HPSE: variants seen among roughly 807,000 people sequenced by gnomAD.
HPSE encodes the protein heparanase, also known as endo-glucoronidase.
Under a neutral mutation model 65.1 loss-of-function variants are expected in HPSE, and 48 were observed. That is an observed-to-expected ratio of 0.74 (90% CI 0.58 to 0.94). The LOEUF is 0.94. Among genes scored for constraint, HPSE ranks in the 40% least tolerant of loss-of-function variants. HPSE has a pLI of 0.00. For synonymous variants in HPSE, 243 were observed against 260.0 expected, an observed-to-expected ratio of 0.93 and a Z score of 0.63; for missense variants, 644 against 637.5, an observed-to-expected ratio of 1.01 and a Z score of -0.11.
At chr4:83,311,884 T>G (rs1023196809) in intron 4 of HPSE, among the ~76,000 whole-genome samples, 1 of 151,980 alleles carries the variant, frequency 6.6e-6, no homozygotes, top group Non-Finnish European at 1.5e-5. Flanking sequence ...TTGGCTGATA[T>G]GTGGAAAAAG....
In HPSE at chr4:83,295,269, C is replaced by G; in HGVS notation, c.*75G>C. 6.8e-6 allele frequency: 9 copies of G among 1,319,196 alleles called. No individual in the cohort carries two copies. The highest frequency in any genetic ancestry group is 9.4e-6 in the Non-Finnish European group (9 of 955,652). The allele number at this position is 1,319,196 out of a possible 1,614,324, so 81.7% of individuals were successfully genotyped here. A position where few individuals can be genotyped will look rare whatever the true frequency, so the allele number is the denominator to read the frequency against. ...TAGTTGCTTTGCAAGGTATCTGCTTCCTTTCCTATAACTTGAGTTGCTTTA... is the reference window on the plus strand; with the variant it reads ...TAGTTGCTTTGCAAGGTATCTGCTTGCTTTCCTATAACTTGAGTTGCTTTA... On this transcript the variant is annotated 3_prime_UTR_variant, in exon 12 of 12. Coordinates refer to ENST00000311412, the MANE Select transcript of HPSE (RefSeq NM_001098540.3).
rs150258114 is a variant in HPSE at position 83,306,288 on chromosome 4, C to A, written c.1121G>T (p.Arg374Leu). The A allele has an allele frequency of 3.7e-6, 6 of 1,613,304 alleles. No homozygotes were observed. The Admixed American group carries it at 1.0e-4, about 27-fold the overall frequency. The change falls in exon 9 of 12, where the codon CGA (arginine) becomes CTA (leucine). Residue 374 changes from arginine (R) to leucine (L), a missense_variant. Transcript: ENST00000311412. ...MWLDKLGLSARMGIEVVMRQV... is the reference protein window; with the variant it reads ...MWLDKLGLSALMGIEVVMRQV... ...CCTCATCACCACTTCTATTCCCATTCGGGCTGACAGGCCCAATTTATCCAG... is the reference window on the plus strand; with the variant it reads ...CCTCATCACCACTTCTATTCCCATTAGGGCTGACAGGCCCAATTTATCCAG...
At chr4:83,296,677 G>GAAAAAAAAAAAAAAAAAAAAAAA (rs959233639) in intron 11 of HPSE, among the ~76,000 whole-genome samples, 1 of 91,100 alleles carries the variant, frequency 1.1e-5, no homozygotes. Flanking sequence ...TCTAAAAAAA[G>GAAAAAAAAAAAAAAAAAAAAAAA]AAAAAAAAAA....
chr4:83,332,711 C>T (rs751617487), intron 1 of HPSE, among the ~76,000 whole-genome samples: 6 of 152,118 alleles, frequency 3.9e-5, no homozygotes, highest in Non-Finnish European at 7.3e-5. Flanking sequence ...TAGTCAATTG[C>T]GGGGAGCTTG....
chr4:83,314,281 C>CAAAAAAAA (rs1578016191), intron 3 of HPSE, among the ~76,000 whole-genome samples: 1 of 57,666 alleles, frequency 1.7e-5, no homozygotes, highest in Admixed American at 1.5e-4. Context: ...AAAAAACAAA[C>CAAAAAAAA]AAAAAAAAAA....
At position 83,295,541 on chromosome 4, in the gene HPSE, T is replaced by G. The variant is rs558571724; in HGVS notation, c.1473-38A>C. The G allele has an allele frequency of 3.5e-5, 52 of 1,471,214 alleles. No individual in the cohort carries two copies. In the South Asian group the frequency reaches 6.2e-4, roughly 17 times the overall value. 91.1% of individuals were successfully genotyped at this position (1,471,214 alleles called of 1,614,324 possible). On this transcript the variant is annotated intron_variant, in intron 11 of 11. Coordinates refer to ENST00000311412, the MANE Select transcript of HPSE (RefSeq NM_001098540.3). ...AAGATACACCGAGTTAACCAAGTGG[T>G]GCATGCCCCACCCATGCTGCTACAA...
At chr4:83,319,722 G>A in intron 2 of HPSE, among the ~76,000 whole-genome samples, 1 of 151,932 alleles carries the variant, frequency 6.6e-6, no homozygotes, top group African/African-American at 2.4e-5. Flanking sequence ...GGATATGTTG[G>A]ACATAGCTAC....
chr4:83,312,947 G>A (rs979661814), intron 4 of HPSE, among the ~76,000 whole-genome samples, 167 bp downstream of exon 4: 8 of 144,104 alleles, frequency 5.6e-5, no homozygotes, highest in African/African-American at 2.1e-4. Context: ...GCGTGAATTT[G>A]GGAGGCAGAG....
Position 83,313,301 on chromosome 4 carries a change from G to A in HPSE, c.500-14C>T, listed in dbSNP as rs1343206185. ...CTACAGAGCTTCCTAAAAGAAAAAC[G>A]TCACAATTTAATGGTTAGATTGGCA... On this transcript the variant is annotated splice_polypyrimidine_tract_variant and intron_variant, in intron 3 of 11. Transcript: ENST00000311412. The A allele has an allele frequency of 3.1e-6, 5 of 1,590,828 alleles. No individual in the cohort carries two copies. The highest frequency in any genetic ancestry group is 4.3e-6 in the Non-Finnish European group (5 of 1,167,716).
At chr4:83,325,011 A>G (rs973822652) in intron 1 of HPSE, among the ~76,000 whole-genome samples, 1 of 152,200 alleles carries the variant, frequency 6.6e-6, no homozygotes, top group Non-Finnish European at 1.5e-5. Flanking sequence ...GGAGAGAATT[A>G]TGCCAGGATG....
intron 4 of HPSE, among the ~76,000 whole-genome samples, chr4:83,311,639 A>C (rs1363773872): frequency 6.6e-6 from 1 of 152,076 alleles, no homozygotes; most frequent in Non-Finnish European, 1.5e-5. Context: ...CAAAAGAAAA[A>C]AAATTGGCTA....
chr4:83,329,562 A>G (rs1366224806), intron 1 of HPSE, among the ~76,000 whole-genome samples: 1 of 152,290 alleles, frequency 6.6e-6, no homozygotes, highest in Non-Finnish European at 1.5e-5. Flanking sequence ...GGCTCTCAGA[A>G]AAAAAGGTGC....
At chr4:83,309,061 C>T (rs1736266406) in intron 7 of HPSE, 110 bp from the exon 8 acceptor site, 2 of 747,328 alleles carry the variant, frequency 2.7e-6, no homozygotes, top group African/African-American at 3.5e-5. Context: ...AGACCCACCC[C>T]TCCTATATAG....
intron 3 of HPSE, among the ~76,000 whole-genome samples, chr4:83,314,601 C>T (rs556230890): frequency 3.3e-4 from 50 of 152,296 alleles, no homozygotes; most frequent in Non-Finnish European, 3.5e-4. Context: ...TGTTCTATTA[C>T]CACTTTTTGA....
chr4:83,322,406 A>G lies in HPSE; in HGVS notation c.228-42T>C, dbSNP rs748174160. 5 of 1,532,548 alleles carry G rather than the reference A, an allele frequency of 3.3e-6. No individual in the cohort carries two copies. In the African/African-American group the frequency reaches 6.9e-5, roughly 21 times the overall value. 94.9% of individuals were successfully genotyped at this position (1,532,548 alleles called of 1,614,324 possible). A position where few individuals can be genotyped will look rare whatever the true frequency, so the allele number is the denominator to read the frequency against. ...CAAGAAAGTATAACTATTTTTTCCA[A>G]GACAATCTAGTCAAACATTCTTACT... On this transcript the variant is annotated intron_variant, in intron 1 of 11. Coordinates refer to ENST00000311412, the MANE Select transcript of HPSE (RefSeq NM_001098540.3).
At chr4:83,317,950 C>A (rs1736716019) in intron 3 of HPSE, among the ~76,000 whole-genome samples, 1 of 152,138 alleles carries the variant, frequency 6.6e-6, no homozygotes, top group Non-Finnish European at 1.5e-5. Flanking sequence ...GTAGATCGCC[C>A]TCTTAAAAAT....
chr4:83,330,468 C>T (rs1475698130), intron 1 of HPSE, among the ~76,000 whole-genome samples: 1 of 152,222 alleles, frequency 6.6e-6, no homozygotes, highest in Non-Finnish European at 1.5e-5. Context: ...CTTTGTTTCC[C>T]TTTGGCTGTG....
At chr4:83,318,490 C>T (rs1326311626) in intron 3 of HPSE, among the ~76,000 whole-genome samples, 6 of 151,922 alleles carry the variant, frequency 3.9e-5, no homozygotes, top group Non-Finnish European at 4.4e-5. Flanking sequence ...AAAAATTAGC[C>T]GGTCGTGATG....
intron 1 of HPSE, among the ~76,000 whole-genome samples, chr4:83,331,238 A>G (rs565487727): frequency 6.6e-6 from 1 of 152,264 alleles, no homozygotes; most frequent in Admixed American, 6.5e-5. Flanking sequence ...ATAGTCTGAG[A>G]AGTGCTGTAA....
Sources: allele counts gnomAD v4.1 joint callset (sites outside exome capture counted in the v4.1 genomes callset), GRCh38; gene constraint gnomAD v4.1.1; transcripts MANE v1.5; gene names NCBI Gene and HGNC (gene_info 2026-07-23, HGNC 2026-07-21).